Variants in PLSCR2 observed in about 807,000 individuals in gnomAD.
PLSCR2 encodes phospholipid scramblase 2.
In PLSCR2, 18 loss-of-function variants were observed where a neutral mutation model predicts 25.3. That is an observed-to-expected ratio of 0.71 (90% CI 0.49 to 1.06). The LOEUF (loss-of-function observed/expected upper bound fraction) is 1.06. Ranked by LOEUF, PLSCR2 falls within the 50% of genes least tolerant of loss-of-function variation. The pLI, the probability that PLSCR2 is intolerant of heterozygous loss-of-function variation, is 0.00. For synonymous variants in PLSCR2, 88 were observed against 87.3 expected (o/e 1.01, Z -0.04); for missense variants, 243 against 269.5 (o/e 0.90, Z 0.69).
chr3:146,409,620 T>G (rs2038779364), intron 2 of PLSCR2, among the ~76,000 whole-genome samples: 1 of 152,158 alleles, frequency 6.6e-6, no homozygotes, highest in Non-Finnish European at 1.5e-5. Flanking sequence ...ACTCCTAACT[T>G]TGGCCATTCT....
chr3:146,446,789 G>A (rs1400658968), intron 6 of PLSCR2, among the ~76,000 whole-genome samples: 2 of 152,146 alleles, frequency 1.3e-5, no homozygotes, highest in African/African-American at 4.8e-5. Context: ...ATACTGTCCA[G>A]GAGCCTGGGC....
chr3:146,485,633 C>T (rs1447583401), intron 1 of PLSCR2, among the ~76,000 whole-genome samples: 1 of 152,086 alleles, frequency 6.6e-6, no homozygotes, highest in East Asian at 1.9e-4. Flanking sequence ...AATTAAAACT[C>T]AAGATTAAGA....
chr3:146,448,995 T>G (rs949518722), intron 6 of PLSCR2, among the ~76,000 whole-genome samples: 1 of 152,208 alleles, frequency 6.6e-6, no homozygotes, highest in African/African-American at 2.4e-5. Context: ...TCTTGCCATT[T>G]GAAAGTGTGT....
intron 2 of PLSCR2, among the ~76,000 whole-genome samples, chr3:146,409,694 A>G (rs2038782678): frequency 6.6e-6 from 1 of 152,270 alleles, no homozygotes; most frequent in East Asian, 1.9e-4. Context: ...TGAAAAACCG[A>G]GAGAAAAATT....
chr3:146,409,358 G>A (rs868749969), intron 2 of PLSCR2, among the ~76,000 whole-genome samples: 2 of 152,152 alleles, frequency 1.3e-5, no homozygotes, highest in East Asian at 1.9e-4. Flanking sequence ...GACTCTTCTC[G>A]TCTTCAGAGG....
intron 5 of PLSCR2, 115 bp from the exon 6 acceptor site, chr3:146,449,482 GAGTA>G: frequency 1.6e-6 from 1 of 643,966 alleles, no homozygotes; most frequent in Non-Finnish European, 2.6e-6. Flanking sequence ...CACCATACAT[GAGTA>G]TACAGTTAAT....
intron 2 of PLSCR2, among the ~76,000 whole-genome samples, chr3:146,419,302 C>T (rs768422723): frequency 1.4e-4 from 22 of 152,210 alleles, no homozygotes; most frequent in Non-Finnish European, 2.5e-4. Flanking sequence ...TTTCCTATAA[C>T]TTCCTTCTGA....
intron 2 of PLSCR2, among the ~76,000 whole-genome samples, chr3:146,403,554 T>C (rs1234017742): frequency 2.0e-5 from 3 of 152,214 alleles, no homozygotes; most frequent in Non-Finnish European, 4.4e-5. Context: ...ATATTTTTGC[T>C]GTTTTTGTGA....
At chr3:146,429,484 G>A (rs1385793592), downstream of PLSCR2, among the ~76,000 whole-genome samples, 1 of 152,096 alleles carries the variant, frequency 6.6e-6, no homozygotes, top group Non-Finnish European at 1.5e-5. Context: ...TGGACTTTGT[G>A]GAAGGTTGAA....
chr3:146,400,735 C>T (rs1452189697), intron 2 of PLSCR2, among the ~76,000 whole-genome samples: 1 of 151,654 alleles, frequency 6.6e-6, no homozygotes, highest in Non-Finnish European at 1.5e-5. Context: ...ACTTACTCTA[C>T]AGCTGGTATT....
intron 1 of PLSCR2, among the ~76,000 whole-genome samples, chr3:146,471,566 CTTTT>C (rs550109802): frequency 1.5e-5 from 2 of 129,790 alleles, no homozygotes; most frequent in Non-Finnish European, 3.3e-5. Context: ...AGATACAATT[CTTTT>C]TTTTTTTTTT....
intron 1 of PLSCR2, among the ~76,000 whole-genome samples, chr3:146,489,709 G>C (rs933996434): frequency 6.6e-6 from 1 of 151,948 alleles, no homozygotes; most frequent in African/African-American, 2.4e-5. Flanking sequence ...TTGCCTTTTC[G>C]ATCTTCTAAT....
intron 1 of PLSCR2, among the ~76,000 whole-genome samples, chr3:146,494,431 T>C (rs2043673609): frequency 6.6e-6 from 1 of 152,156 alleles, no homozygotes; most frequent in African/African-American, 2.4e-5. Context: ...TCTACATGTG[T>C]GCATATACAG....
At chr3:146,412,232 AG>A (rs751896545) in intron 2 of PLSCR2, among the ~76,000 whole-genome samples, 4 of 152,122 alleles carry the variant, frequency 2.6e-5, no homozygotes, top group Non-Finnish European at 5.9e-5. Context: ...GTTGCTTGTT[AG>A]AGACCCTACA....
intron 1 of PLSCR2, chr3:146,495,087 G>A (rs921353601): frequency 6.6e-6 from 1 of 152,132 alleles, no homozygotes; most frequent in African/African-American, 2.4e-5. Flanking sequence ...TGGGAAAGAG[G>A]AGTATCAATT....
At chr3:146,413,204 C>A (rs1422922292) in intron 2 of PLSCR2, among the ~76,000 whole-genome samples, 4 of 152,086 alleles carry the variant, frequency 2.6e-5, no homozygotes. Flanking sequence ...GGAGGGGAAG[C>A]CTCAAAGCTC....
At chr3:146,395,516 G>A (rs1576550054) in intron 3 of PLSCR2, among the ~76,000 whole-genome samples, 1 of 152,216 alleles carries the variant, frequency 6.6e-6, no homozygotes, top group Non-Finnish European at 1.5e-5. Flanking sequence ...TATTTTCAGT[G>A]ACAATCTGAT....
intron 5 of PLSCR2, among the ~76,000 whole-genome samples, 192 bp from the exon 6 acceptor site, chr3:146,449,559 G>A (rs764462665): frequency 6.6e-6 from 1 of 151,926 alleles, no homozygotes; most frequent in African/African-American, 2.4e-5. Flanking sequence ...CTGTTCTATT[G>A]TGTAGGAAAC....
At chr3:146,491,592 G>A (rs1446886615) in intron 1 of PLSCR2, among the ~76,000 whole-genome samples, 1 of 152,004 alleles carries the variant, frequency 6.6e-6, no homozygotes, top group East Asian at 1.9e-4. Flanking sequence ...TGAGTCAAAG[G>A]AATGTTCTTC....
Sources: gnomAD v4.1 joint callset for allele counts (sites outside exome capture counted in the v4.1 genomes callset) on GRCh38, gnomAD v4.1.1 for gene constraint, MANE v1.5 for transcripts, NCBI Gene and HGNC (gene_info 2026-07-23, HGNC 2026-07-21) for gene names.